Variants in GRID2 observed in about 807,000 individuals in gnomAD.
GRID2 encodes glutamate ionotropic receptor delta type subunit 2.
In GRID2, 33 loss-of-function variants were observed where a neutral mutation model predicts 114.8. That is an observed-to-expected ratio of 0.29 (90% CI 0.22 to 0.38). GRID2 has a LOEUF of 0.38. GRID2 is among the 10% of genes least tolerant of loss of function. GRID2 has a pLI of 1.00. For missense variants in GRID2, 1,184 were observed against 1,257.7 expected (o/e 0.94, Z 0.89); for synonymous variants, 505 against 449.9 (o/e 1.12, Z -1.55).
chr4:92,933,431 C>G (rs1001419827), intron 2 of GRID2, among the ~76,000 whole-genome samples: 32 of 151,276 alleles, frequency 2.1e-4, no homozygotes, highest in Non-Finnish European at 4.1e-4. Flanking sequence ...ACAAACAAAA[C>G]AGAGAGAAAT....
chr4:93,196,176 T>C (rs1741467102), intron 4 of GRID2, among the ~76,000 whole-genome samples: 1 of 152,166 alleles, frequency 6.6e-6, no homozygotes. Flanking sequence ...CAACACCATT[T>C]GAAAACATTT....
chr4:92,391,466 T>C (rs1250761729), intron 1 of GRID2, among the ~76,000 whole-genome samples: 2 of 152,110 alleles, frequency 1.3e-5, no homozygotes, highest in Admixed American at 1.3e-4. Flanking sequence ...AATTATGGCA[T>C]TGCTCTTATT....
chr4:92,643,166 A>C (rs367924375), intron 2 of GRID2, among the ~76,000 whole-genome samples: 2 of 151,802 alleles, frequency 1.3e-5, no homozygotes, highest in Admixed American at 1.3e-4. Context: ...TAGGTATAAC[A>C]TTGAATATGT....
intron 13 of GRID2, among the ~76,000 whole-genome samples, chr4:93,524,075 C>T (rs1310730123): frequency 6.6e-6 from 1 of 152,040 alleles, no homozygotes. Flanking sequence ...CTAATTGGAG[C>T]TTTAGTGAGC....
At chr4:93,795,160 A>G (rs1050018378) in intron 1 of GRID2, among the ~76,000 whole-genome samples, 1 of 148,868 alleles carries the variant, frequency 6.7e-6, no homozygotes, top group African/African-American at 2.5e-5. Flanking sequence ...TAATATTTTG[A>G]ACAGTAGCAC....
At chr4:93,221,119 C>T (rs930435122) in intron 6 of GRID2, among the ~76,000 whole-genome samples, 3 of 152,096 alleles carry the variant, frequency 2.0e-5, no homozygotes, top group Non-Finnish European at 4.4e-5. Context: ...TTAATATAAT[C>T]GTGGTCTCTA....
intron 13 of GRID2, among the ~76,000 whole-genome samples, chr4:93,537,178 C>A (rs568449962): frequency 6.6e-6 from 1 of 151,752 alleles, no homozygotes; most frequent in Non-Finnish European, 1.5e-5. Context: ...CCTAACATAA[C>A]TTTCCTTAGT....
intron 1 of GRID2, among the ~76,000 whole-genome samples, chr4:92,330,583 C>T (rs1298404485): frequency 6.6e-6 from 1 of 151,968 alleles, no homozygotes; most frequent in Non-Finnish European, 1.5e-5. Flanking sequence ...TTCATAGAGA[C>T]AATAATTGGA....
At chr4:92,964,320 A>G (rs1049283026) in intron 2 of GRID2, among the ~76,000 whole-genome samples, 1 of 151,888 alleles carries the variant, frequency 6.6e-6, no homozygotes, top group Non-Finnish European at 1.5e-5. Context: ...CTTTATCTTC[A>G]CTAAAAATAT....
chr4:92,662,250 T>G lies in GRID2; in HGVS notation c.244+71964T>G, dbSNP rs117208849. On this transcript the variant is annotated intron_variant, in intron 2 of 15. Transcript: ENST00000282020. Reference sequence around the variant, plus strand: ...GGAAACTTCTACAAGGGGTAAAAATTGAATCTTATACATTGCTATTAACGG... The same window carrying G: ...GGAAACTTCTACAAGGGGTAAAAATGGAATCTTATACATTGCTATTAACGG... Among the ~76,000 whole-genome samples, 23 of 151,106 alleles carry G rather than the reference T, an allele frequency of 1.5e-4. 1 individual carries two copies. In the East Asian group the frequency reaches 3.9e-3, roughly 25 times the overall value.
intron 1 of GRID2, among the ~76,000 whole-genome samples, chr4:92,437,510 C>A (rs1172073040): frequency 6.6e-6 from 1 of 152,206 alleles, no homozygotes; most frequent in Non-Finnish European, 1.5e-5. Context: ...CTCAAGTGAT[C>A]TGCCTGCCTT....
chr4:92,578,373 G>C (rs1560468641), intron 1 of GRID2, among the ~76,000 whole-genome samples: 6 of 145,784 alleles, frequency 4.1e-5, no homozygotes, highest in African/African-American at 1.5e-4. Context: ...GAAGTGTTTG[G>C]TTTTTTGTCC....
intron 2 of GRID2, among the ~76,000 whole-genome samples, chr4:92,904,095 CTT>C (rs1023288184): frequency 2.0e-5 from 3 of 151,818 alleles, no homozygotes; most frequent in African/African-American, 7.2e-5. Flanking sequence ...TAACCTCTCT[CTT>C]TTCCTCACTT....
intron 1 of GRID2, among the ~76,000 whole-genome samples, chr4:92,546,560 G>A (rs764370039): frequency 3.9e-5 from 6 of 152,238 alleles, no homozygotes; most frequent in African/African-American, 9.6e-5. Flanking sequence ...GTGTGCGCGC[G>A]CGTGTGCATG....
At chr4:93,071,408 A>G (rs1170807662) in intron 2 of GRID2, among the ~76,000 whole-genome samples, 3 of 152,092 alleles carry the variant, frequency 2.0e-5, no homozygotes, top group South Asian at 4.1e-4. Flanking sequence ...AAAACACATA[A>G]AGCTCCTGCT....
chr4:93,467,772 T>C (rs1450350947), intron 11 of GRID2, among the ~76,000 whole-genome samples: 3 of 152,202 alleles, frequency 2.0e-5, no homozygotes, highest in East Asian at 1.9e-4. Context: ...TCTTGACATA[T>C]AGCTAGCAGC....
intron 2 of GRID2, among the ~76,000 whole-genome samples, chr4:93,006,111 A>G (rs558141071): frequency 1.3e-5 from 2 of 152,096 alleles, no homozygotes; most frequent in South Asian, 2.1e-4. Context: ...ACTCTATCCA[A>G]GTCTACACAG....
At chr4:93,255,129 C>T (rs1158950673) in intron 8 of GRID2, among the ~76,000 whole-genome samples, 4 of 152,006 alleles carry the variant, frequency 2.6e-5, no homozygotes, top group African/African-American at 7.2e-5. Context: ...AAAATAAATA[C>T]GTGAACATTT....
intron 1 of GRID2, among the ~76,000 whole-genome samples, chr4:92,334,667 C>T (rs895330639): frequency 1.3e-5 from 2 of 152,058 alleles, no homozygotes; most frequent in South Asian, 2.1e-4. Context: ...AGGTAGAGCT[C>T]TCGTGATGTA....
Sources: allele counts gnomAD v4.1 joint callset (sites outside exome capture counted in the v4.1 genomes callset), GRCh38; gene constraint gnomAD v4.1.1; transcripts MANE v1.5; gene names NCBI Gene and HGNC (gene_info 2026-07-23, HGNC 2026-07-21).